KCNN1: variants seen among roughly 807,000 people sequenced by gnomAD.
The protein encoded by KCNN1 is potassium calcium-activated channel subfamily N member 1.
A neutral mutation model predicts 44.7 loss-of-function variants in KCNN1; 20 were observed. The observed-to-expected ratio is 0.45, with a 90% CI of 0.32 to 0.65. The LOEUF (loss-of-function observed/expected upper bound fraction) is 0.65, where lower values mean the gene tolerates loss of function less well. Ranked by LOEUF, KCNN1 falls within the 30% of genes least tolerant of loss-of-function variation. The pLI is 0.05. For synonymous variants in KCNN1, 324 were observed against 341.7 expected (o/e 0.95, Z 0.57); for missense variants, 632 against 785.3 (o/e 0.80, Z 2.33).
chr19:17,953,829 C>T (rs1237701901), intron 1 of KCNN1, among the ~76,000 whole-genome samples: 4 of 152,076 alleles, frequency 2.6e-5, no homozygotes, highest in African/African-American at 9.7e-5. Flanking sequence ...ACTTGGGGGC[C>T]GAAGGTGGGA....
intron 9 of KCNN1, among the ~76,000 whole-genome samples, chr19:17,994,446 CAA>C (rs767149586): frequency 7.3e-4 from 65 of 88,994 alleles, no homozygotes; most frequent in Admixed American, 8.2e-4. Flanking sequence ...GACCCTGTCT[CAA>C]AAAAAAAAAA....
chr19:17,959,981 G>A (rs998929797), intron 2 of KCNN1, among the ~76,000 whole-genome samples: 28 of 152,000 alleles, frequency 1.8e-4, no homozygotes, highest in African/African-American at 6.3e-4. Flanking sequence ...TACTCAGGAG[G>A]CTGAGACAGG....
chr19:17,963,695 T>A (rs1305728489), upstream of KCNN1, among the ~76,000 whole-genome samples: 1 of 152,000 alleles, frequency 6.6e-6, no homozygotes, highest in Non-Finnish European at 1.5e-5. Flanking sequence ...TCTTTCAACT[T>A]TTTTGGATCT....
Position 17,993,008 on chromosome 19 carries a change from TA to T in KCNN1, c.1299-42del, listed in dbSNP as rs775083296. ...ACATGCCGAACAACTGTGCTGAGGT[TA>T]AAATTGCCTTGTGATTTTTCTCCTG... On this transcript the variant is annotated intron_variant, in intron 7 of 9. Transcript: ENST00000684775. The surrounding 1 kb of genome is among the most constrained non-coding windows in gnomAD (Gnocchi z 4.5). The T allele has an allele frequency of 2.5e-6, 4 of 1,612,144 alleles. No homozygotes were observed. The highest frequency in any genetic ancestry group is 3.4e-6 in the Non-Finnish European group (4 of 1,179,076).
chr19:17,998,248 C>A lies in KCNN1; in HGVS notation c.1474C>A (p.Leu492Met). The change falls in exon 10 of 10, where the codon CTG becomes ATG. Residue 492 changes from leucine to methionine, a missense_variant. Transcript: ENST00000684775. The surrounding 1 kb of genome is among the most constrained non-coding windows in gnomAD (Gnocchi z 5.4). The part of the protein sequence containing the change: ...LATLESRLDA[L>M]GASLQALPGL... Reference sequence around the variant, plus strand: ...CACCCTGGAAAGCCGCTTGGATGCGCTGGGTGCCTCTCTACAGGCCCTGCC... The same window carrying A: ...CACCCTGGAAAGCCGCTTGGATGCGATGGGTGCCTCTCTACAGGCCCTGCC... 6.4e-7 allele frequency: 1 copy of A among 1,568,498 alleles called. No individual in the cohort carries two copies. The highest frequency in any genetic ancestry group is 8.6e-7 in the Non-Finnish European group (1 of 1,159,482).
upstream of KCNN1, among the ~76,000 whole-genome samples, chr19:17,965,605 A>C (rs1284698692): frequency 1.3e-5 from 2 of 151,954 alleles, no homozygotes; most frequent in Admixed American, 6.6e-5. Context: ...GTCAGTGGAG[A>C]GATGCAAGAG....
Position 17,974,523 on chromosome 19 carries a change from C to T in KCNN1, c.402+233C>T, listed in dbSNP as rs536950058. On this transcript the variant is annotated intron_variant, in intron 2 of 9. Coordinates refer to ENST00000684775, the MANE Select transcript of KCNN1 (RefSeq NM_001386974.1). This position sits in a 1 kb window ranked among gnomAD's most constrained non-coding sequence, Gnocchi z 7.3. ...TCCCTGGCCAGGTGTCAAGGGGCTGCACCCTGGCTTAAGGCGGAGGGGGGC... is the reference window on the plus strand; with the variant it reads ...TCCCTGGCCAGGTGTCAAGGGGCTGTACCCTGGCTTAAGGCGGAGGGGGGC... Among the ~76,000 whole-genome samples, 38 of 152,298 alleles carry T rather than the reference C, an allele frequency of 2.5e-4. No homozygotes were observed. Among genetic ancestry groups the T allele is most frequent in the African/African-American group, 8.4e-4 (35 of 41,574 alleles).
chr19:17,965,241 T>C, upstream of KCNN1, among the ~76,000 whole-genome samples: 1 of 149,348 alleles, frequency 6.7e-6, no homozygotes, highest in Non-Finnish European at 1.5e-5. Context: ...GCTGCTGCAC[T>C]CCAGCCTGGG....
chr19:17,954,429 C>G (rs1265556289), intron 1 of KCNN1: 3 of 152,236 alleles, frequency 2.0e-5, no homozygotes, highest in African/African-American at 7.2e-5. Flanking sequence ...TACACTCCAG[C>G]CTGGGTGACA....
intron 6 of KCNN1, 65 bp downstream of exon 6, chr19:17,988,590 C>T (rs1386287789): frequency 1.7e-6 from 2 of 1,201,464 alleles, no homozygotes; most frequent in South Asian, 1.3e-5. Context: ...AACTTCCCTG[C>T]TTTCCCTCTG....
At chr19:17,984,276 A>G (rs1397516332) in intron 4 of KCNN1, among the ~76,000 whole-genome samples, 2 of 152,034 alleles carry the variant, frequency 1.3e-5, no homozygotes, top group Non-Finnish European at 2.9e-5. Flanking sequence ...GAAGACCCCC[A>G]AATGCCAATA....
At chr19:17,981,609 C>T in intron 3 of KCNN1, 100 bp from the exon 4 acceptor site, 3 of 977,660 alleles carry the variant, frequency 3.1e-6, no homozygotes, top group South Asian at 1.9e-5. Context: ...TGTGGGGTTT[C>T]AGGCCAGGCT....
chr19:17,996,183 AAAT>A (rs2032984732), intron 9 of KCNN1, among the ~76,000 whole-genome samples: 1 of 150,840 alleles, frequency 6.6e-6, no homozygotes, highest in Admixed American at 6.6e-5. Flanking sequence ...AAAAAAAAAA[AAAT>A]AGAAAAATTA....
intron 3 of KCNN1, among the ~76,000 whole-genome samples, chr19:17,979,260 C>T (rs745929400): frequency 1.9e-4 from 29 of 150,762 alleles, no homozygotes; most frequent in African/African-American, 2.9e-4. Flanking sequence ...GGTGAAACCC[C>T]GTCTCTACTA....
Position 17,979,173 on chromosome 19 carries a change from A to C in KCNN1, c.499-2536A>C, listed in dbSNP as rs1278326158. On this transcript the variant is annotated intron_variant, in intron 3 of 9. Coordinates refer to ENST00000684775, the MANE Select transcript of KCNN1 (RefSeq NM_001386974.1). ...AAAAAAAAAAAAGGCCGGGCTCACG[A>C]CTGTAATCCCAGCACTTTGGGAGGC... is the stretch of plus-strand genomic sequence containing the variant. 1.2e-4 allele frequency among the ~76,000 whole-genome samples: 18 copies of C among 148,898 alleles called. No individual in the cohort carries two copies. The East Asian group carries it at 2.8e-3, about 23-fold the overall frequency.
At chr19:17,985,116 G>T (rs138220168) in intron 4 of KCNN1, among the ~76,000 whole-genome samples, 196 bp from the exon 5 acceptor site, 16 of 152,238 alleles carry the variant, frequency 1.1e-4, no homozygotes, top group South Asian at 6.2e-4. Flanking sequence ...AAGCAGCTTG[G>T]GGGGGCAGGC....
chr19:17,958,688 GTATTTATTTATT>G (rs151293226), intron 2 of KCNN1, among the ~76,000 whole-genome samples: 3 of 148,576 alleles, frequency 2.0e-5, no homozygotes, highest in East Asian at 2.0e-4. Context: ...ATTTTCAATT[GTATTTATTTATT>G]TATTTATTTA....
chr19:17,960,114 A>G (rs569141645), intron 2 of KCNN1, among the ~76,000 whole-genome samples: 147 of 152,076 alleles, frequency 9.7e-4, no homozygotes, highest in Admixed American at 4.1e-3. Context: ...AAAACAAAAA[A>G]AAAAAAGAAA....
chr19:17,951,310 G>T, exon 1 of KCNN1: 1 of 152,554 alleles, frequency 6.6e-6, no homozygotes. Flanking sequence ...ACGGTGGTCT[G>T]AGCTGGAGCC....
Sources: allele counts gnomAD v4.1 joint callset (sites outside exome capture counted in the v4.1 genomes callset), GRCh38; gene constraint gnomAD v4.1.1; non-coding constraint Gnocchi (gnomAD v3.1); transcripts MANE v1.5; gene names NCBI Gene and HGNC (gene_info 2026-07-23, HGNC 2026-07-21).